The following LRRC1 variants were observed in gnomAD, a reference collection of about 807,000 sequenced individuals.
LRRC1 encodes leucine-rich repeat-containing protein 1.
A neutral mutation model predicts 69.9 loss-of-function variants in LRRC1; 28 were observed. The observed-to-expected ratio is 0.40, with a 90% CI of 0.30 to 0.55. The LOEUF is 0.55. Ranked by LOEUF, LRRC1 falls within the 20% of genes least tolerant of loss-of-function variation. The probability of loss-of-function intolerance (pLI) is 0.47; values close to 1 mark genes in which losing one functional copy is unlikely to be tolerated. For synonymous variants in LRRC1, 236 were observed against 240.2 expected, an observed-to-expected ratio of 0.98 and a Z score of 0.16; for missense variants, 498 against 609.0, an observed-to-expected ratio of 0.82 and a Z score of 1.92.
intron 1 of LRRC1, among the ~76,000 whole-genome samples, chr6:53,809,143 C>T (rs993492726): frequency 3.3e-5 from 5 of 152,180 alleles, no homozygotes; most frequent in African/African-American, 1.2e-4. Context: ...CATAATTATT[C>T]AGCTATTATA....
Position 53,891,938 on chromosome 6 carries a change from G to A in LRRC1, c.447-4560G>A, listed in dbSNP as rs536379051. ...ACCCAGGAGGCGGAGGTTGCAGTGA[G>A]CCAAGATCACACCACTGCACTCCAG... On this transcript the variant is annotated intron_variant, in intron 4 of 13. Coordinates refer to ENST00000370888, the MANE Select transcript of LRRC1 (RefSeq NM_018214.5). Among the ~76,000 whole-genome samples, 3 of 150,402 alleles carry A rather than the reference G, an allele frequency of 2.0e-5. No homozygotes were observed. In the East Asian group the frequency reaches 5.9e-4, roughly 30 times the overall value.
intron 1 of LRRC1, among the ~76,000 whole-genome samples, chr6:53,795,620 C>A (rs1168630142): frequency 6.6e-6 from 1 of 152,160 alleles, no homozygotes; most frequent in East Asian, 1.9e-4. Context: ...TCAAAGTGAC[C>A]GGATATTTTG....
chr6:53,808,499 C>A (rs1482520158), intron 1 of LRRC1, among the ~76,000 whole-genome samples: 2 of 152,104 alleles, frequency 1.3e-5, no homozygotes, highest in African/African-American at 2.4e-5. Context: ...CCTCAGTCTG[C>A]TTTAAGCACT....
At chr6:53,861,934 G>A (rs771810245) in intron 2 of LRRC1, among the ~76,000 whole-genome samples, 2 of 152,198 alleles carry the variant, frequency 1.3e-5, no homozygotes, top group Non-Finnish European at 2.9e-5. Context: ...AGCACAGAGG[G>A]ATGGAAGCTG....
At chr6:53,911,927 T>C (rs1768424944) in intron 10 of LRRC1, among the ~76,000 whole-genome samples, 1 of 152,194 alleles carries the variant, frequency 6.6e-6, no homozygotes, top group African/African-American at 2.4e-5. Context: ...ATATGGGAAA[T>C]CCACACTATA....
At chr6:53,815,471 T>C (rs1274690532) in intron 1 of LRRC1, among the ~76,000 whole-genome samples, 1 of 152,138 alleles carries the variant, frequency 6.6e-6, no homozygotes, top group Non-Finnish European at 1.5e-5. Context: ...TCCCTCCACT[T>C]TAGGGCCTTT....
intron 9 of LRRC1, among the ~76,000 whole-genome samples, chr6:53,903,368 G>A (rs967018396): frequency 2.0e-5 from 3 of 151,606 alleles, no homozygotes; most frequent in African/African-American, 7.3e-5. Flanking sequence ...GGGTGGGTGG[G>A]CAGGGTGGCA....
intron 12 of LRRC1, 108 bp downstream of exon 12, chr6:53,919,778 T>C (rs934962490): frequency 3.6e-5 from 37 of 1,029,828 alleles, no homozygotes; most frequent in African/African-American, 4.9e-5. Flanking sequence ...ATATCCAGTC[T>C]GCACCTAGAG....
chr6:53,852,009 A>G (rs6901627), intron 2 of LRRC1, among the ~76,000 whole-genome samples: 2,475 of 152,354 alleles, frequency 0.016, 69 homozygotes, highest in African/African-American at 0.055. Flanking sequence ...TGTTTGAGGA[A>G]TCCTTGAAGT....
rs201876665 is a variant in LRRC1 at position 53,896,903 on chromosome 6, A to G, written c.567+11A>G. 9.1e-5 allele frequency: 139 copies of G among 1,531,582 alleles called. No homozygotes were observed. In the East Asian group the frequency reaches 2.2e-3, roughly 25 times the overall value. 94.9% of individuals were successfully genotyped at this position (1,531,582 alleles called of 1,614,324 possible). ...GAAATATATAATTTGGTAAGTCCGT[A>G]TTAGAGATTTGAATTTAACTTTGTT... On this transcript the variant is annotated intron_variant, in intron 6 of 13. Coordinates refer to ENST00000370888, the MANE Select transcript of LRRC1 (RefSeq NM_018214.5).
At chr6:53,874,393 A>G (rs1244996105) in intron 2 of LRRC1, among the ~76,000 whole-genome samples, 1 of 152,050 alleles carries the variant, frequency 6.6e-6, no homozygotes. Flanking sequence ...AACAAACACT[A>G]TGGTCCTACT....
At chr6:53,830,850 A>G (rs1296519087) in intron 1 of LRRC1, among the ~76,000 whole-genome samples, 2 of 151,330 alleles carry the variant, frequency 1.3e-5, no homozygotes, top group African/African-American at 2.4e-5. Context: ...CATTATTGCA[A>G]TTAAAATTGT....
chr6:53,828,719 C>T (rs900887471), intron 1 of LRRC1, among the ~76,000 whole-genome samples: 1 of 152,186 alleles, frequency 6.6e-6, no homozygotes, highest in African/African-American at 2.4e-5. Flanking sequence ...GTTAATCAGT[C>T]CTGAGACCCT....
chr6:53,864,911 G>A (rs1487781848), intron 2 of LRRC1, among the ~76,000 whole-genome samples: 1 of 152,040 alleles, frequency 6.6e-6, no homozygotes, highest in Non-Finnish European at 1.5e-5. Context: ...ATCGATAGTT[G>A]GAAAGCAATT....
chr6:53,908,914 T>A (rs1310692638), intron 10 of LRRC1, among the ~76,000 whole-genome samples: 2 of 152,122 alleles, frequency 1.3e-5, no homozygotes, highest in Admixed American at 6.6e-5. Context: ...CACAAAAAAA[T>A]TTAATAATGC....
At chr6:53,869,085 A>G (rs558200245) in intron 2 of LRRC1, among the ~76,000 whole-genome samples, 6 of 152,342 alleles carry the variant, frequency 3.9e-5, no homozygotes, top group African/African-American at 1.2e-4. Flanking sequence ...AAGTGCAGAA[A>G]ACTGGTGCAG....
chr6:53,807,831 C>A (rs1002602836), intron 1 of LRRC1, among the ~76,000 whole-genome samples: 72 of 152,198 alleles, frequency 4.7e-4, no homozygotes, highest in Non-Finnish European at 9.7e-4. Flanking sequence ...ATGGAGATTT[C>A]TATTTAAGGC....
Position 53,865,878 on chromosome 6 carries a change from T to A in LRRC1, c.278-13115T>A, listed in dbSNP as rs189243152. 1.4e-3 allele frequency among the ~76,000 whole-genome samples: 213 copies of A among 151,942 alleles called. 4 individuals are homozygous for A. The highest frequency in any genetic ancestry group is 0.011 in the South Asian group (53 of 4,796). On this transcript the variant is annotated intron_variant, in intron 2 of 13. Transcript: ENST00000370888. Reference sequence around the variant, plus strand: ...CTGGGATTACAGGCACGCGCCACCATGCCCAGCTAATTTTTGTATTTTTAG... The same window carrying A: ...CTGGGATTACAGGCACGCGCCACCAAGCCCAGCTAATTTTTGTATTTTTAG...
rs1266346691 is a variant in LRRC1 at position 53,913,086 on chromosome 6, C to T, written c.991-768C>T. Among the ~76,000 whole-genome samples, 11 of 152,130 alleles carry T rather than the reference C, an allele frequency of 7.2e-5. No individual in the cohort carries two copies. In the East Asian group the frequency reaches 2.1e-3, roughly 29 times the overall value. ...TTTTGAAGACCAGACTCATACAAAA[C>T]TCAGTTACCTTTAAATTGCTTACTT... On this transcript the variant is annotated intron_variant, in intron 10 of 13. Transcript: ENST00000370888.
Sources: gnomAD v4.1 joint callset for allele counts (sites outside exome capture counted in the v4.1 genomes callset) on GRCh38, gnomAD v4.1.1 for gene constraint, MANE v1.5 for transcripts, NCBI Gene and HGNC (gene_info 2026-07-23, HGNC 2026-07-21) for gene names.